POLQ: variants seen among roughly 807,000 people sequenced by gnomAD.
POLQ encodes the protein epididymis secretory sperm binding protein.
In POLQ, 233 loss-of-function variants were observed where a neutral mutation model predicts 259.2. The observed-to-expected ratio is 0.90, with a 90% CI of 0.81 to 1.00. The LOEUF (loss-of-function observed/expected upper bound fraction) is 1.00. Ranked by LOEUF, POLQ falls within the 50% of genes least tolerant of loss-of-function variation. The probability of loss-of-function intolerance (pLI) is 0.00; values close to 1 mark genes in which losing one functional copy is unlikely to be tolerated. For synonymous variants in POLQ, 1,025 were observed against 1,048.8 expected, an observed-to-expected ratio of 0.98 and a Z score of 0.44; for missense variants, 2,871 against 3,051.6, an observed-to-expected ratio of 0.94 and a Z score of 1.39.
chr3:121,529,615 T>C lies in POLQ; in HGVS notation c.1108+30A>G, dbSNP rs528975179. 35 of 1,605,144 alleles carry C rather than the reference T, an allele frequency of 2.2e-5. No individual in the cohort carries two copies. In the African/African-American group the frequency reaches 2.8e-4, roughly 13 times the overall value. On this transcript the variant is annotated intron_variant, in intron 7 of 29. Transcript: ENST00000264233. ...TACTTTCAAGCAAATGTACTAAGCATGAAGGCTTTCCTTTCCATCCATAAC... is the reference window on the plus strand; with the variant it reads ...TACTTTCAAGCAAATGTACTAAGCACGAAGGCTTTCCTTTCCATCCATAAC...
rs2047493738 is a variant in POLQ, at chr3:121,431,671, T to C, written c.*633A>G. 6.6e-6 allele frequency: 1 copy of C among 152,654 alleles called. No individual in the cohort carries two copies. Among genetic ancestry groups the C allele is most frequent in the Admixed American group, 6.5e-5 (1 of 15,286 alleles). 9.5% of individuals were successfully genotyped at this position (152,654 alleles called of 1,614,324 possible). ...AAGAGGTATAGTTTATTTTATAATA[T>C]GTAAGTATTCCAAATACATTCATTG... On this transcript the variant is annotated 3_prime_UTR_variant, in exon 30 of 30. Transcript: ENST00000264233.
chr3:121,486,645 C>G (rs1311035945), intron 16 of POLQ, among the ~76,000 whole-genome samples: 1 of 152,172 alleles, frequency 6.6e-6, no homozygotes, highest in African/African-American at 2.4e-5. Flanking sequence ...AGGTGGATCA[C>G]TTGAGGTCCG....
At chr3:121,475,633 G>GC (rs2047919243) in intron 20 of POLQ, among the ~76,000 whole-genome samples, 1 of 147,864 alleles carries the variant, frequency 6.8e-6, no homozygotes, top group African/African-American at 2.7e-5. Context: ...GCATTTTTTT[G>GC]GGGGGGTGAA....
At chr3:121,460,640 C>T (rs1156372756) in intron 24 of POLQ, among the ~76,000 whole-genome samples, 1 of 152,102 alleles carries the variant, frequency 6.6e-6, no homozygotes, top group Non-Finnish European at 1.5e-5. Context: ...AGATAATAGG[C>T]CCTTAACAAA....
At chr3:121,505,186 A>G (rs934320845) in intron 12 of POLQ, among the ~76,000 whole-genome samples, 50 of 152,270 alleles carry the variant, frequency 3.3e-4, no homozygotes, top group Non-Finnish European at 5.7e-4. Context: ...TGCTCTGGCC[A>G]TATAAGATGT....
At chr3:121,517,119 C>T (rs770511232) in intron 9 of POLQ, among the ~76,000 whole-genome samples, 31 of 152,012 alleles carry the variant, frequency 2.0e-4, no homozygotes, top group Non-Finnish European at 3.7e-4. Context: ...ACTAAAAGAC[C>T]CTCTGTCCCG....
intron 17 of POLQ, among the ~76,000 whole-genome samples, chr3:121,484,665 C>T (rs142138752): frequency 0.13 from 19,071 of 152,156 alleles, 1,249 homozygotes; most frequent in East Asian, 0.15. Flanking sequence ...CTTTGGGAGG[C>T]CAAGGCGGGT....
At chr3:121,437,754 TA>T (rs1336927908) in intron 27 of POLQ, among the ~76,000 whole-genome samples, 1 of 152,204 alleles carries the variant, frequency 6.6e-6, no homozygotes, top group Non-Finnish European at 1.5e-5. Context: ...CATAATAGCT[TA>T]GCTTCAAACT....
At chr3:121,455,965 T>C (rs1247421509) in intron 25 of POLQ, among the ~76,000 whole-genome samples, 2 of 152,206 alleles carry the variant, frequency 1.3e-5, no homozygotes, top group Non-Finnish European at 2.9e-5. Flanking sequence ...TTGATGAACA[T>C]TGATGCAAAA....
chr3:121,540,010 T>C (rs1173484890), intron 3 of POLQ, among the ~76,000 whole-genome samples: 1 of 152,074 alleles, frequency 6.6e-6, no homozygotes, highest in African/African-American at 2.4e-5. Context: ...TTTAATGTAA[T>C]TGGAAGAAAA....
chr3:121,456,577 T>C (rs1264571995), intron 25 of POLQ, among the ~76,000 whole-genome samples: 1 of 152,016 alleles, frequency 6.6e-6, no homozygotes, highest in African/African-American at 2.4e-5. Context: ...CAAGCATTCT[T>C]ATACACCAAT....
chr3:121,489,162 C>G lies in POLQ; in HGVS notation c.3769G>C (p.Asp1257His). The G allele has an allele frequency of 6.2e-7, 1 of 1,613,036 alleles. No individual in the cohort carries two copies. The highest frequency in any genetic ancestry group is 8.5e-7 in the Non-Finnish European group (1 of 1,179,774). ...NKPSHFQALG[D>H]DISRTVIPSE... is the part of the protein sequence containing the mutation. ...GGTATCACAGTTCTGCTTATATCATCTCCTAATGCCTGAAAATGACTTGGT... is the reference window on the plus strand; with the variant it reads ...GGTATCACAGTTCTGCTTATATCATGTCCTAATGCCTGAAAATGACTTGGT... Residue 1257 changes from aspartate (D) to histidine (H), a missense_variant, in exon 16 of 30, where the codon GAT (aspartate) becomes CAT (histidine). Coordinates refer to ENST00000264233, the MANE Select transcript of POLQ (RefSeq NM_199420.4).
chr3:121,545,809 G>T lies in POLQ; in HGVS notation c.69C>A (p.Ser23Arg), dbSNP rs1160855441. ...GGGGGCTGGCACTGCTGTCACCGCC[G>T]CTTCCCGAGAACGAATCTGAGCCTG... is the stretch of plus-strand genomic sequence containing the variant. ...SESGSDSFSG[S>R]GGDSSASPQF... Residue 23 changes from serine to arginine, a missense_variant, in exon 1 of 30, where the codon AGC becomes AGA. By Grantham distance (110) the Ser-to-Arg change is moderately radical. Around this residue, in one of 3 missense-constraint regions of POLQ, gnomAD observed 783 missense variants for 906.2 expected, o/e 0.86. Coordinates refer to ENST00000264233, the MANE Select transcript of POLQ (RefSeq NM_199420.4). 1 of 1,613,380 alleles carries T rather than the reference G, an allele frequency of 6.2e-7. No individual in the cohort carries two copies. The highest frequency in any genetic ancestry group is 1.7e-5 in the Admixed American group (1 of 59,930).
At chr3:121,448,483 C>T (rs1304045862) in intron 26 of POLQ, among the ~76,000 whole-genome samples, 2 of 152,054 alleles carry the variant, frequency 1.3e-5, no homozygotes, top group African/African-American at 4.8e-5. Context: ...TCTCCTGCCT[C>T]AGCCTCCGAG....
intron 14 of POLQ, chr3:121,494,334 T>G: frequency 6.3e-7 from 1 of 1,598,266 alleles, no homozygotes; most frequent in Non-Finnish European, 8.5e-7. Context: ...CGGCTGAAAG[T>G]GCCTCCTGCG....
chr3:121,529,912 C>A, intron 6 of POLQ, 120 bp from the exon 7 acceptor site: 8 of 633,260 alleles, frequency 1.3e-5, no homozygotes, highest in South Asian at 7.4e-5. Context: ...TAATGAAAAT[C>A]AGTTACAAAG....
In POLQ at chr3:121,531,190, A is replaced by T. The variant is rs550923133; in HGVS notation, c.961-1398T>A. On this transcript the variant is annotated intron_variant, in intron 6 of 29. Transcript: ENST00000264233. ...CAACAAGAGCAAAACTCCATCTCAA[A>T]AATAATAATAATAATAATATGTTTG... is the stretch of plus-strand genomic sequence containing the variant. Among the ~76,000 whole-genome samples the T allele has an allele frequency of 1.0e-3, 152 of 152,116 alleles. 1 individual carries two copies. The highest frequency in any genetic ancestry group is 3.3e-3 in the African/African-American group (135 of 41,526).
chr3:121,523,530 G>A (rs887464759), intron 7 of POLQ, among the ~76,000 whole-genome samples: 4 of 151,906 alleles, frequency 2.6e-5, no homozygotes, highest in Admixed American at 1.3e-4. Context: ...TGGGAAATGT[G>A]GCAAAATCCC....
At chr3:121,512,610 T>C (rs2048263632) in intron 9 of POLQ, among the ~76,000 whole-genome samples, 1 of 152,196 alleles carries the variant, frequency 6.6e-6, no homozygotes. Context: ...TCTTCAATCC[T>C]TTTCTATAAA....
Sources: allele counts gnomAD v4.1 joint callset (sites outside exome capture counted in the v4.1 genomes callset), GRCh38; gene constraint gnomAD v4.1.1; regional missense constraint gnomAD v4.1.1; transcripts MANE v1.5; gene names NCBI Gene and HGNC (gene_info 2026-07-23, HGNC 2026-07-21).